Variants in DOCK2 observed in about 807,000 individuals in gnomAD.
DOCK2 encodes the protein dedicator of cytokinesis protein 2.
In DOCK2, 87 loss-of-function variants were observed where a neutral mutation model predicts 248.9. That is an observed-to-expected ratio of 0.35 (90% confidence interval 0.29 to 0.42). The LOEUF (loss-of-function observed/expected upper bound fraction) is 0.42. Among genes scored for constraint, DOCK2 ranks in the 10% least tolerant of loss-of-function variants. The pLI, the probability that DOCK2 is intolerant of heterozygous loss-of-function variation, is 1.00. For missense variants in DOCK2, 1,747 were observed against 2,300.2 expected (o/e 0.76, Z 4.92); for synonymous variants, 805 against 821.6 (o/e 0.98, Z 0.35).
chr5:170,011,777 T>C (rs1251141880), intron 32 of DOCK2, among the ~76,000 whole-genome samples: 4 of 152,162 alleles, frequency 2.6e-5, no homozygotes, highest in African/African-American at 4.8e-5. Context: ...AGAGGACAGA[T>C]TGAATGAACA....
At chr5:169,828,947 T>A (rs898693416) in intron 26 of DOCK2, among the ~76,000 whole-genome samples, 29 of 152,254 alleles carry the variant, frequency 1.9e-4, no homozygotes, top group Non-Finnish European at 2.9e-5. Context: ...ACAATCTATT[T>A]GTTTAACAGT....
At chr5:169,998,986 G>T (rs1487418379) in intron 30 of DOCK2, among the ~76,000 whole-genome samples, 1 of 152,196 alleles carries the variant, frequency 6.6e-6, no homozygotes, top group Non-Finnish European at 1.5e-5. Context: ...AGGGGCCAGA[G>T]GTGACAGGGT....
intron 15 of DOCK2, 134 bp downstream of exon 15, chr5:169,708,401 T>C: frequency 1.1e-6 from 1 of 922,342 alleles, no homozygotes; most frequent in Non-Finnish European, 1.6e-6. Context: ...ATTTCCTTCA[T>C]TTTATAGTTG....
At chr5:169,892,769 A>T (rs1189806594) in intron 27 of DOCK2, among the ~76,000 whole-genome samples, 1 of 152,220 alleles carries the variant, frequency 6.6e-6, no homozygotes, top group African/African-American at 2.4e-5. Context: ...AGCACAGAGG[A>T]CAGTAGAGTG....
chr5:170,034,605 T>C (rs767252384), intron 35 of DOCK2, 50 bp downstream of exon 35: 6 of 1,604,186 alleles, frequency 3.7e-6, no homozygotes, highest in African/African-American at 2.7e-5. Context: ...GTGGGGGGGC[T>C]TGGGCTTGGC....
At chr5:169,753,381 C>T (rs1764014327) in intron 23 of DOCK2, among the ~76,000 whole-genome samples, 1 of 151,494 alleles carries the variant, frequency 6.6e-6, no homozygotes, top group Non-Finnish European at 1.5e-5. Context: ...CTGACAGCTC[C>T]CCTGTGTGTT....
chr5:169,875,016 C>A (rs1772230894), intron 27 of DOCK2, among the ~76,000 whole-genome samples: 1 of 151,956 alleles, frequency 6.6e-6, no homozygotes, highest in Non-Finnish European at 1.5e-5. Flanking sequence ...ATCATCTAAC[C>A]CTAAAATCAA....
At chr5:169,943,767 G>C (rs909072009) in intron 27 of DOCK2, among the ~76,000 whole-genome samples, 2 of 152,182 alleles carry the variant, frequency 1.3e-5, no homozygotes, top group Non-Finnish European at 2.9e-5. Context: ...TACTGATTCA[G>C]AACAGTTGAC....
intron 1 of DOCK2, 35 bp downstream of exon 1, chr5:169,637,404 G>T: frequency 7.5e-7 from 1 of 1,341,500 alleles, no homozygotes; most frequent in Non-Finnish European, 9.6e-7. Context: ...CAGGGAGCGG[G>T]ACAGGTGGCG....
intron 27 of DOCK2, chr5:169,980,215 G>A (rs1225547767): frequency 1.3e-5 from 2 of 152,022 alleles, no homozygotes; most frequent in Non-Finnish European, 2.9e-5. Flanking sequence ...TCCAAGAGAC[G>A]ATCGCATTTT....
At chr5:169,867,979 A>G (rs1771698521) in intron 27 of DOCK2, among the ~76,000 whole-genome samples, 1 of 152,190 alleles carries the variant, frequency 6.6e-6, no homozygotes. Context: ...GAACATCTAT[A>G]TTCACAATGC....
At chr5:169,944,018 G>A (rs1302452131) in intron 27 of DOCK2, among the ~76,000 whole-genome samples, 1 of 152,188 alleles carries the variant, frequency 6.6e-6, no homozygotes, top group Non-Finnish European at 1.5e-5. Flanking sequence ...AATTCTCCAG[G>A]TCTGTGGACT....
In DOCK2 at chr5:169,761,639, A is replaced by G. The variant is rs765849389; in HGVS notation, c.2554+14A>G. ...TTAAAAAGCAAGGTGAGTACACAGC[A>G]CCCTTGCTGGGGTGGGGTAAGGGGC... On this transcript the variant is annotated intron_variant, in intron 25 of 51. Transcript: ENST00000520908. 1 of 1,608,772 alleles carries G rather than the reference A, an allele frequency of 6.2e-7. No individual in the cohort carries two copies. Among genetic ancestry groups the G allele is most frequent in the Non-Finnish European group, 8.5e-7 (1 of 1,175,760 alleles).
chr5:169,938,585 C>T (rs890877355), intron 27 of DOCK2, among the ~76,000 whole-genome samples: 1 of 152,192 alleles, frequency 6.6e-6, no homozygotes, highest in Non-Finnish European at 1.5e-5. Flanking sequence ...AGGACACTTG[C>T]CATGAATGGA....
At chr5:169,958,645 T>G (rs551036107) in intron 27 of DOCK2, among the ~76,000 whole-genome samples, 1 of 152,216 alleles carries the variant, frequency 6.6e-6, no homozygotes, top group East Asian at 1.9e-4. Context: ...AGGAACAATG[T>G]CACATTTTAA....
intron 27 of DOCK2, among the ~76,000 whole-genome samples, chr5:169,849,047 C>G (rs760953772): frequency 6.6e-6 from 1 of 152,136 alleles, no homozygotes; most frequent in Non-Finnish European, 1.5e-5. Context: ...CTCCCAACCC[C>G]AGTCCGTGGC....
chr5:169,934,630 G>A (rs1275303232), intron 27 of DOCK2: 2 of 456,192 alleles, frequency 4.4e-6, no homozygotes, highest in Non-Finnish European at 8.8e-6. Flanking sequence ...CCCTTGCTAA[G>A]TCTTGTCTCC....
At chr5:170,038,440 A>AC (rs1756396306) in intron 36 of DOCK2, among the ~76,000 whole-genome samples, 1 of 152,236 alleles carries the variant, frequency 6.6e-6, no homozygotes, top group Non-Finnish European at 1.5e-5. Context: ...ATATTTAAAA[A>AC]CATTTTTAAT....
chr5:170,081,804 A>C (rs751324539), intron 50 of DOCK2, 38 bp from the exon 51 acceptor site: 24 of 1,445,628 alleles, frequency 1.7e-5, no homozygotes, highest in East Asian at 7.5e-5. Context: ...CCCCTCCTCT[A>C]CCCACCCATT....
Sources: allele counts gnomAD v4.1 joint callset (sites outside exome capture counted in the v4.1 genomes callset), GRCh38; gene constraint gnomAD v4.1.1; transcripts MANE v1.5; gene names NCBI Gene and HGNC (gene_info 2026-07-23, HGNC 2026-07-21).